The following HFM1 variants were observed in gnomAD, a reference collection of about 807,000 sequenced individuals.
HFM1 encodes the protein helicase for meiosis 1.
HFM1 carries 169 observed loss-of-function variants against 192.1 expected under a neutral mutation model. That is an observed-to-expected ratio of 0.88 (90% confidence interval 0.78 to 1.00). The LOEUF (loss-of-function observed/expected upper bound fraction) is 1.00. HFM1 is among the 50% of genes least tolerant of loss of function. The pLI is 0.00. For missense variants in HFM1, 1,661 were observed against 1,668.0 expected (o/e 1.00, Z 0.07); for synonymous variants, 525 against 537.8 (o/e 0.98, Z 0.33).
At position 91,322,981 on chromosome 1, in the gene HFM1, T is replaced by C; in HGVS notation, c.2551A>G (p.Arg851Gly). The change falls in exon 23 of 39, where the codon AGA becomes GGA. Residue 851 changes from arginine to glycine, a missense_variant. Coordinates refer to ENST00000370425, the MANE Select transcript of HFM1 (RefSeq NM_001017975.6). ...ACTTTCATTTCTCTTGTTTTAATTCTTCCTTCCATTGGAAATCTGTAAATA... is the reference window on the plus strand; with the variant it reads ...ACTTTCATTTCTCTTGTTTTAATTCCTCCTTCCATTGGAAATCTGTAAATA... Reference protein sequence around the residue: ...RITIRFPMEGRIKTREMKVNC... With the variant: ...RITIRFPMEGGIKTREMKVNC... The C allele has an allele frequency of 7.3e-7, 1 of 1,376,992 alleles. No individual in the cohort carries two copies. Among genetic ancestry groups the C allele is most frequent in the Non-Finnish European group, 9.8e-7 (1 of 1,024,584 alleles). 85.3% of individuals were successfully genotyped at this position (1,376,992 alleles called of 1,614,324 possible).
intron 30 of HFM1, among the ~76,000 whole-genome samples, chr1:91,290,262 G>A (rs953637834): frequency 6.6e-6 from 1 of 152,138 alleles, no homozygotes; most frequent in Non-Finnish European, 1.5e-5. Flanking sequence ...TGGCAAATTG[G>A]ATAAAGAGTC....
intron 20 of HFM1, among the ~76,000 whole-genome samples, chr1:91,342,011 T>C (rs1379410706): frequency 6.6e-6 from 1 of 150,734 alleles, no homozygotes; most frequent in Non-Finnish European, 1.5e-5. Context: ...CTACCAAATA[T>C]ATAAAGAAGA....
intron 4 of HFM1, among the ~76,000 whole-genome samples, chr1:91,388,967 A>G (rs1395109393): frequency 6.6e-6 from 1 of 152,146 alleles, no homozygotes; most frequent in Admixed American, 6.5e-5. Context: ...CCCAATTAAA[A>G]TATGGACAAA....
intron 7 of HFM1, among the ~76,000 whole-genome samples, chr1:91,380,545 G>A (rs1402121551): frequency 6.6e-6 from 1 of 152,142 alleles, no homozygotes; most frequent in Non-Finnish European, 1.5e-5. Context: ...CTTGAGGTCA[G>A]GAGTTCGAGA....
intron 11 of HFM1, among the ~76,000 whole-genome samples, chr1:91,376,180 T>C (rs190412061): frequency 6.6e-4 from 100 of 152,116 alleles, no homozygotes; most frequent in African/African-American, 2.3e-3. Context: ...GACAAGTTTT[T>C]AAGCAAACAA....
chr1:91,302,027 T>G (rs1332662457), intron 30 of HFM1, among the ~76,000 whole-genome samples: 1 of 114,446 alleles, frequency 8.7e-6, no homozygotes, highest in Non-Finnish European at 1.8e-5. Flanking sequence ...TGCAATCTAC[T>G]CATCTGACAA....
At chr1:91,368,441 T>G (rs1413731341) in intron 13 of HFM1, among the ~76,000 whole-genome samples, 1 of 152,164 alleles carries the variant, frequency 6.6e-6, no homozygotes, top group Non-Finnish European at 1.5e-5. Context: ...GGGGCAAATA[T>G]TCAACATTCT....
At chr1:91,293,966 GCATATTCTCACT>G (rs1401293603) in intron 30 of HFM1, among the ~76,000 whole-genome samples, 2 of 147,520 alleles carry the variant, frequency 1.4e-5, no homozygotes, top group African/African-American at 5.0e-5. Flanking sequence ...ACCAAACACC[GCATATTCTCACT>G]CATAGGTGGG....
At chr1:91,290,283 A>T (rs1268691065) in intron 30 of HFM1, among the ~76,000 whole-genome samples, 1 of 152,208 alleles carries the variant, frequency 6.6e-6, no homozygotes, top group Non-Finnish European at 1.5e-5. Flanking sequence ...AAGACCCATC[A>T]GTGTGCTGTA....
At chr1:91,332,023 T>C (rs887230396) in intron 20 of HFM1, among the ~76,000 whole-genome samples, 14 of 152,292 alleles carry the variant, frequency 9.2e-5, no homozygotes, top group African/African-American at 3.4e-4. Flanking sequence ...AAAATTTCCA[T>C]ATTACCCAAA....
rs773463737 is a variant in HFM1, at chr1:91,377,955, T to C, written c.1395+70A>G. On this transcript the variant is annotated intron_variant, in intron 11 of 38. Transcript: ENST00000370425. ...AAGGACAAAAAAATTCACTTTTCTC[T>C]ATGATCAAGATGACTAAATATTTCA... is the stretch of plus-strand genomic sequence containing the variant. 19 of 1,393,496 alleles carry C rather than the reference T, an allele frequency of 1.4e-5. No homozygotes were observed. In the African/African-American group the frequency reaches 2.8e-4, roughly 20 times the overall value. 86.3% of individuals were successfully genotyped at this position (1,393,496 alleles called of 1,614,324 possible).
intron 20 of HFM1, among the ~76,000 whole-genome samples, chr1:91,336,211 T>C (rs1654550597): frequency 6.8e-6 from 1 of 147,688 alleles, no homozygotes; most frequent in African/African-American, 2.5e-5. Context: ...CTAAGATCTA[T>C]CTCTATCTCT....
chr1:91,264,359 G>GTTTTTTTTTT (rs1466938761), intron 36 of HFM1, among the ~76,000 whole-genome samples: 9 of 54,066 alleles, frequency 1.7e-4, no homozygotes, highest in East Asian at 6.0e-4. Context: ...CACAAATTTA[G>GTTTTTTTTTT]TATTTTTTTT....
At chr1:91,303,725 T>C (rs923736303) in intron 30 of HFM1, among the ~76,000 whole-genome samples, 4 of 152,254 alleles carry the variant, frequency 2.6e-5, no homozygotes, top group Non-Finnish European at 5.9e-5. Flanking sequence ...AAGTGGTATC[T>C]TACTGTGGTT....
chr1:91,353,844 A>G (rs916697315), intron 13 of HFM1, among the ~76,000 whole-genome samples: 14 of 151,394 alleles, frequency 9.2e-5, no homozygotes, highest in Middle Eastern at 3.4e-3. Context: ...TGACTAAAGG[A>G]AAGTGCCTCT....
Position 91,378,192 on chromosome 1 carries a change from G to A in HFM1, c.1237-9C>T, listed in dbSNP as rs1330463326. 4 of 1,553,992 alleles carry A rather than the reference G, an allele frequency of 2.6e-6. No individual in the cohort carries two copies. Among genetic ancestry groups the A allele is most frequent in the Admixed American group, 4.1e-5 (2 of 48,788 alleles). On this transcript the variant is annotated splice_polypyrimidine_tract_variant and intron_variant, in intron 10 of 38. Transcript: ENST00000370425. Reference sequence around the variant, plus strand: ...TCTTTTACAATATGTACCTAAGCAGGAAATCAAGAAAAAATCATTAGCTAT... The same window carrying A: ...TCTTTTACAATATGTACCTAAGCAGAAAATCAAGAAAAAATCATTAGCTAT...
At chr1:91,273,968 G>A (rs747991780) in intron 33 of HFM1, among the ~76,000 whole-genome samples, 153 bp from the exon 34 acceptor site, 1 of 152,136 alleles carries the variant, frequency 6.6e-6, no homozygotes, top group South Asian at 2.1e-4. Context: ...ATAAATAGGT[G>A]TTTCATGGAA....
rs374501891 is a variant in HFM1, at chr1:91,375,461, A to G, written c.1597-15T>C. 4.7e-5 allele frequency: 75 copies of G among 1,612,232 alleles called. 1 individual carries two copies. Among genetic ancestry groups the G allele is most frequent in the Admixed American group, 1.0e-4 (6 of 59,806 alleles). Reference sequence around the variant, plus strand: ...GTTGCACAAAACTGAAAATAAATTCATAACGTTTGTATTAATCATGTTAAA... The same window carrying G: ...GTTGCACAAAACTGAAAATAAATTCGTAACGTTTGTATTAATCATGTTAAA... On this transcript the variant is annotated splice_polypyrimidine_tract_variant and intron_variant, in intron 12 of 38. Transcript: ENST00000370425.
chr1:91,321,676 TTC>T (rs1436494134), intron 23 of HFM1, among the ~76,000 whole-genome samples: 5 of 152,152 alleles, frequency 3.3e-5, no homozygotes, highest in Non-Finnish European at 5.9e-5. Context: ...CGTACACACA[TTC>T]TCTCTTCTTG....
Sources: gnomAD v4.1 joint callset for allele counts (sites outside exome capture counted in the v4.1 genomes callset) on GRCh38, gnomAD v4.1.1 for gene constraint, MANE v1.5 for transcripts, NCBI Gene and HGNC (gene_info 2026-07-23, HGNC 2026-07-21) for gene names.